The following PHAX variants were observed in gnomAD, a reference collection of about 807,000 sequenced individuals.
PHAX encodes phosphorylated adapter RNA export protein.
Under a neutral mutation model 41.6 loss-of-function variants are expected in PHAX, and 31 were observed. That is an observed-to-expected ratio of 0.75 (90% CI 0.56 to 1.01). The LOEUF is 1.01. PHAX is among the 50% of genes least tolerant of loss of function. The probability of loss-of-function intolerance (pLI) is 0.00; values close to 1 mark genes in which losing one functional copy is unlikely to be tolerated. For missense variants in PHAX, 453 were observed against 472.9 expected (o/e 0.96, Z 0.39); for synonymous variants, 175 against 164.9 (o/e 1.06, Z -0.47).
At chr5:126,601,117 G>A in intron 1 of PHAX, 59 bp downstream of exon 1, 4 of 1,280,958 alleles carry the variant, frequency 3.1e-6, no homozygotes, top group Non-Finnish European at 4.4e-6. Context: ...GGGCCCCGGG[G>A]AGCGCGCAGG....
chr5:126,604,202 A>G lies in PHAX; in HGVS notation c.710+19A>G. 6.6e-7 allele frequency: 1 copy of G among 1,515,098 alleles called. No homozygotes were observed. Among genetic ancestry groups the G allele is most frequent in the Non-Finnish European group, 8.8e-7 (1 of 1,133,306 alleles). The allele number at this position is 1,515,098 out of a possible 1,614,324, so 93.9% of individuals were successfully genotyped here. The stretch of plus-strand genomic sequence containing the variant: ...CATTCAGGTGAGCATTTGAATTACA[A>G]ATAAGTACTTGACCAGATGGCTTCT... On this transcript the variant is annotated intron_variant, in intron 2 of 4. Coordinates refer to ENST00000297540, the MANE Select transcript of PHAX (RefSeq NM_032177.4).
chr5:126,609,712 CA>C (rs11349093), intron 3 of PHAX, among the ~76,000 whole-genome samples: 38,459 of 135,562 alleles, frequency 0.28, 6,054 homozygotes, highest in African/African-American at 0.46. Flanking sequence ...AAAAAGAGGG[CA>C]AAAAAAAAAA....
rs566767931 is a variant in PHAX, at chr5:126,622,595, A to G, written c.916-1980A>G. Among the ~76,000 whole-genome samples the G allele has an allele frequency of 1.3e-4, 20 of 151,724 alleles. No homozygotes were observed. In the East Asian group the frequency reaches 3.9e-3, roughly 29 times the overall value. ...AGAATGCGCTACCACACCTGGCCAAAGTTTCTTTTTAATAAGGCTTGCCAT... is the reference window on the plus strand; with the variant it reads ...AGAATGCGCTACCACACCTGGCCAAGGTTTCTTTTTAATAAGGCTTGCCAT... On this transcript the variant is annotated intron_variant, in intron 4 of 4. Coordinates refer to ENST00000297540, the MANE Select transcript of PHAX (RefSeq NM_032177.4).
rs1752347941 is a variant in PHAX, at chr5:126,626,268, GT to G, written c.*1425del. 6.6e-6 allele frequency: 1 copy of G among 152,092 alleles called. No homozygotes were observed. The highest frequency in any genetic ancestry group is 6.6e-5 in the Admixed American group (1 of 15,248). 9.4% of individuals were successfully genotyped at this position (152,092 alleles called of 1,614,324 possible). A position where few individuals can be genotyped will look rare whatever the true frequency, so the allele number is the denominator to read the frequency against. Reference sequence around the variant, plus strand: ...TCCCAGTGGCAGCCTGCCTAAGACTGTCTTACCTTATGTTAAGGAAGTCAGG... The same window carrying G: ...TCCCAGTGGCAGCCTGCCTAAGACTGCTTACCTTATGTTAAGGAAGTCAGG... On this transcript the variant is annotated 3_prime_UTR_variant, in exon 5 of 5. Transcript: ENST00000297540.
At chr5:126,607,074 A>G (rs943867903) in intron 2 of PHAX, among the ~76,000 whole-genome samples, 2 of 152,234 alleles carry the variant, frequency 1.3e-5, no homozygotes, top group East Asian at 1.9e-4. Flanking sequence ...CATTAGCTCT[A>G]AATTACTAAT....
At chr5:126,621,639 A>T (rs998512810) in intron 4 of PHAX, among the ~76,000 whole-genome samples, 12 of 152,156 alleles carry the variant, frequency 7.9e-5, no homozygotes, top group African/African-American at 2.9e-4. Flanking sequence ...TTAAAATTCC[A>T]TTTGGGTACA....
chr5:126,616,912 C>T (rs1194061548), intron 3 of PHAX, among the ~76,000 whole-genome samples: 1 of 150,594 alleles, frequency 6.6e-6, no homozygotes, highest in Non-Finnish European at 1.5e-5. Flanking sequence ...TATTCACTGA[C>T]TTAGCCAGGT....
At position 126,624,917 on chromosome 5, in the gene PHAX, C is replaced by T. The variant is rs913692160; in HGVS notation, c.*73C>T. Reference sequence around the variant, plus strand: ...TAATAAACCATTTTTACTGAGATTGCAACGTTTTGCACTGATAAACATGAG... The same window carrying T: ...TAATAAACCATTTTTACTGAGATTGTAACGTTTTGCACTGATAAACATGAG... On this transcript the variant is annotated 3_prime_UTR_variant, in exon 5 of 5. Transcript: ENST00000297540. 5.2e-5 allele frequency: 70 copies of T among 1,333,944 alleles called. No individual in the cohort carries two copies. The Middle Eastern group carries it at 1.3e-3, about 26-fold the overall frequency. 82.6% of individuals were successfully genotyped at this position (1,333,944 alleles called of 1,614,324 possible).
intron 3 of PHAX, among the ~76,000 whole-genome samples, chr5:126,616,452 A>G (rs998578683): frequency 2.6e-5 from 4 of 152,188 alleles, no homozygotes; most frequent in African/African-American, 9.7e-5. Flanking sequence ...TAGTATCTGT[A>G]TCATAGACTA....
chr5:126,608,823 C>T (rs1206381972), intron 3 of PHAX, among the ~76,000 whole-genome samples: 6 of 151,716 alleles, frequency 4.0e-5, no homozygotes, highest in African/African-American at 1.4e-4. Context: ...GTAATCGCAG[C>T]TACTCAGGAG....
At chr5:126,622,354 G>A (rs1481654138) in intron 4 of PHAX, among the ~76,000 whole-genome samples, 3 of 150,654 alleles carry the variant, frequency 2.0e-5, no homozygotes, top group South Asian at 2.1e-4. Context: ...GGATGGTCTC[G>A]ATCTCCTGAC....
intron 2 of PHAX, among the ~76,000 whole-genome samples, chr5:126,604,485 G>T (rs949741467): frequency 2.0e-5 from 3 of 151,910 alleles, no homozygotes; most frequent in African/African-American, 7.3e-5. Flanking sequence ...AGCTACTCTC[G>T]AACTCCAGAG....
intron 3 of PHAX, among the ~76,000 whole-genome samples, chr5:126,609,071 T>A (rs1752037193): frequency 6.7e-6 from 1 of 148,554 alleles, no homozygotes; most frequent in Non-Finnish European, 1.5e-5. Flanking sequence ...ATTTCTTACA[T>A]GATTTGTTAA....
intron 3 of PHAX, among the ~76,000 whole-genome samples, chr5:126,610,264 G>T (rs1209504876): frequency 3.9e-5 from 6 of 152,218 alleles, no homozygotes; most frequent in Admixed American, 2.0e-4. Flanking sequence ...AGCACTGGCG[G>T]TTATAGAAGG....
intron 4 of PHAX, among the ~76,000 whole-genome samples, chr5:126,617,871 C>T (rs1026261358): frequency 1.3e-5 from 2 of 152,164 alleles, no homozygotes; most frequent in Non-Finnish European, 2.9e-5. Context: ...GCCCCAGTCT[C>T]CCAAAGTGCT....
intron 3 of PHAX, among the ~76,000 whole-genome samples, chr5:126,613,457 C>CA (rs1351711193): frequency 6.6e-6 from 1 of 152,128 alleles, no homozygotes; most frequent in African/African-American, 2.4e-5. Flanking sequence ...TGTGGTGGCT[C>CA]ACACGTGTGT....
chr5:126,613,224 C>A (rs965072791), intron 3 of PHAX, among the ~76,000 whole-genome samples: 3 of 152,058 alleles, frequency 2.0e-5, no homozygotes, highest in Non-Finnish European at 4.4e-5. Flanking sequence ...TGGCATGTGC[C>A]TGTAATCACA....
chr5:126,605,166 A>AT lies in PHAX; in HGVS notation c.710+998dup, dbSNP rs879878122. The stretch of plus-strand genomic sequence containing the variant: ...GCATCAACCACTGCGCTGTCCACAG[A>AT]TTTTTTTTTTTTTTTAAGAGATGGT... On this transcript the variant is annotated intron_variant, in intron 2 of 4. Transcript: ENST00000297540. 1.0e-3 allele frequency among the ~76,000 whole-genome samples: 149 copies of AT among 143,374 alleles called. 1 individual carries two copies. Among genetic ancestry groups the AT allele is most frequent in the African/African-American group, 1.7e-3 (66 of 39,248 alleles). 94.1% of individuals were successfully genotyped at this position (143,374 alleles called of 152,430 possible).
At chr5:126,623,506 G>A (rs895993256) in intron 4 of PHAX, among the ~76,000 whole-genome samples, 9 of 152,114 alleles carry the variant, frequency 5.9e-5, no homozygotes, top group African/African-American at 1.7e-4. Context: ...TTGATAACTG[G>A]TAGCAAGCCT....
Sources: allele counts gnomAD v4.1 joint callset (sites outside exome capture counted in the v4.1 genomes callset), GRCh38; gene constraint gnomAD v4.1.1; transcripts MANE v1.5; gene names NCBI Gene and HGNC (gene_info 2026-07-23, HGNC 2026-07-21).